The following NEB variants were observed in gnomAD, a reference collection of about 807,000 sequenced individuals.
The protein encoded by NEB is nemaline myopathy type 2.
In NEB, 512 loss-of-function variants were observed where a neutral mutation model predicts 952.2. The ratio of observed to expected loss-of-function variants is 0.54; its 90% CI spans 0.50 to 0.58. The LOEUF (loss-of-function observed/expected upper bound fraction) is 0.58. Ranked by LOEUF, NEB falls within the 20% of genes least tolerant of loss-of-function variation. The pLI is 0.00. For missense variants in NEB, 8,428 were observed against 9,231.1 expected (o/e 0.91, Z 3.56); for synonymous variants, 2,900 against 3,149.8 (o/e 0.92, Z 2.66).
intron 150 of NEB, 28 bp from the exon 151 acceptor site, chr2:151,525,301 A>C: frequency 6.7e-7 from 1 of 1,484,934 alleles, no homozygotes; most frequent in Non-Finnish European, 9.4e-7. Context: ...TACTTTTATG[A>C]GTAGAGGAAG....
At chr2:151,576,513 T>TATATAC (rs2096858655) in intron 105 of NEB, among the ~76,000 whole-genome samples, 159 bp from the exon 106 acceptor site, 1 of 32,086 alleles carries the variant, frequency 3.1e-5, no homozygotes, top group African/African-American at 1.6e-4. Flanking sequence ...TATATATATA[T>TATATAC]ATATTTTTTT....
At chr2:151,717,667 C>G in intron 9 of NEB, 147 bp from the exon 10 acceptor site, 1 of 648,564 alleles carries the variant, frequency 1.5e-6, no homozygotes, top group Non-Finnish European at 2.7e-6. Flanking sequence ...TTCTATTTTG[C>G]TGAATTTTCT....
rs771652505 is a variant in NEB at position 151,639,389 on chromosome 2, CA to C, written c.8890-6del. On this transcript the variant is annotated splice_region_variant and splice_polypyrimidine_tract_variant and intron_variant, in intron 62 of 181. Transcript: ENST00000397345. ...CCAGGCTTCTGTGTATAAACGCTAT[CA>C]AAAAAAATACACAAATTCATCAGGA... is the stretch of plus-strand genomic sequence containing the variant. 491 of 1,494,636 alleles carry C rather than the reference CA, an allele frequency of 3.3e-4. No individual in the cohort carries two copies. Among genetic ancestry groups the C allele is most frequent in the Admixed American group, 5.0e-4 (23 of 45,976 alleles). 92.6% of individuals were successfully genotyped at this position (1,494,636 alleles called of 1,614,324 possible). A position where few individuals can be genotyped will look rare whatever the true frequency, so the allele number is the denominator to read the frequency against.
rs56214532 is a variant in NEB, at chr2:151,706,245, C to T, written c.1152+636G>A. Among the ~76,000 whole-genome samples, 701 of 152,282 alleles carry T rather than the reference C, an allele frequency of 4.6e-3. 2 individuals are homozygous for T. Among genetic ancestry groups the T allele is most frequent in the Non-Finnish European group, 7.9e-3 (538 of 68,018 alleles). ...CAAGGGACAAAGAAAAGATAACTAA[C>T]CCACACAGACAGCTACATAAAATCC... On this transcript the variant is annotated intron_variant, in intron 13 of 181. Transcript: ENST00000397345.
intron 65 of NEB, among the ~76,000 whole-genome samples, chr2:151,632,003 G>A (rs1384380195): frequency 6.6e-6 from 1 of 152,126 alleles, no homozygotes; most frequent in East Asian, 1.9e-4. Flanking sequence ...TTCAACAGCT[G>A]TAACTCTGTC....
intron 181 of NEB, 100 bp from the exon 182 acceptor site, chr2:151,486,033 T>A: frequency 8.1e-7 from 1 of 1,234,174 alleles, no homozygotes; most frequent in Non-Finnish European, 1.1e-6. Flanking sequence ...TCCACAAACT[T>A]AAGTTGAACA....
chr2:151,721,029 G>A (rs769065717), intron 9 of NEB, among the ~76,000 whole-genome samples: 3 of 151,944 alleles, frequency 2.0e-5, no homozygotes, highest in African/African-American at 4.8e-5. Context: ...TACTCACCCA[G>A]ACCACCAGTC....
intron 176 of NEB, chr2:151,493,132 T>C (rs1036882870): frequency 2.0e-6 from 1 of 495,206 alleles, no homozygotes; most frequent in African/African-American, 2.0e-5. Flanking sequence ...AGTATGATGG[T>C]TTGGAATGTA....
intron 58 of NEB, 30 bp from the exon 59 acceptor site, chr2:151,642,899 T>G (rs368298310): frequency 1.3e-6 from 2 of 1,515,580 alleles, no homozygotes; most frequent in Admixed American, 1.9e-5. Flanking sequence ...ATGACTGGTA[T>G]AGGCCAGTAA....
At chr2:151,670,822 G>A (rs2099276849) in intron 38 of NEB, among the ~76,000 whole-genome samples, 1 of 152,166 alleles carries the variant, frequency 6.6e-6, no homozygotes, top group Non-Finnish European at 1.5e-5. Context: ...ATTTGGAATA[G>A]TCCCCCATTT....
chr2:151,631,356 G>A lies in NEB; in HGVS notation c.9415-10C>T. On this transcript the variant is annotated splice_polypyrimidine_tract_variant and intron_variant, in intron 65 of 181. Transcript: ENST00000397345. ...CTGACTTGTAAATATTCTGAGCAGA[G>A]GAAAAAAGTCAAAAACTCTTCATCA... 2 of 1,602,054 alleles carry A rather than the reference G, an allele frequency of 1.2e-6. No homozygotes were observed. The highest frequency in any genetic ancestry group is 2.2e-5 in the South Asian group (2 of 89,872).
chr2:151,640,302 G>C, intron 61 of NEB, 53 bp downstream of exon 61: 1 of 1,587,812 alleles, frequency 6.3e-7, no homozygotes, highest in Middle Eastern at 1.7e-4. Flanking sequence ...TTTCTCCAAG[G>C]GGTGTTAAAT....
At position 151,690,607 on chromosome 2, in the gene NEB, T is replaced by C. The variant is rs548410154; in HGVS notation, c.2310+120A>G. 1.4e-5 allele frequency: 11 copies of C among 783,522 alleles called. No homozygotes were observed. The South Asian group carries it at 1.7e-4, about 12-fold the overall frequency. 48.5% of individuals were successfully genotyped at this position (783,522 alleles called of 1,614,324 possible). A position where few individuals can be genotyped will look rare whatever the true frequency, so the allele number is the denominator to read the frequency against. ...CATTTGTGTTTTATTAAACAAATCT[T>C]GAAAAATAATAATATTGGGATGGTA... On this transcript the variant is annotated intron_variant, in intron 24 of 181. Transcript: ENST00000397345.
rs1252087959 is a variant in NEB at position 151,646,211 on chromosome 2, G to A, written c.7455C>T (p.Asp2485=). The change falls in exon 55 of 182, where the codon GAC becomes GAT. Residue 2485 remains aspartate (D), a synonymous_variant. Coordinates refer to ENST00000397345, the MANE Select transcript of NEB (RefSeq NM_001164508.2). ...RSDRLYREAW[D]KDKTQIHIMP... is the part of the protein sequence containing the mutation. ...TGATGTGGATCTGAGTCTTGTCTTT[G>A]TCCCAAGCTTCTCTATAAAGTCTCT... The A allele has an allele frequency of 8.8e-6, 14 of 1,599,504 alleles. No homozygotes were observed. The highest frequency in any genetic ancestry group is 1.2e-5 in the Non-Finnish European group (14 of 1,172,224).
At position 151,631,481 on chromosome 2, in the gene NEB, A is replaced by G. The variant is rs78775134; in HGVS notation, c.9415-135T>C. ...ACAAGCGCGTTGTATAAGGCAAACT[A>G]AAAGAATTATGCTCAAAAATGACCC... On this transcript the variant is annotated intron_variant, in intron 65 of 181. Coordinates refer to ENST00000397345, the MANE Select transcript of NEB (RefSeq NM_001164508.2). The G allele has an allele frequency of 1.6e-3, 1,471 of 945,592 alleles. 13 individuals carry two copies. In the African/African-American group the frequency reaches 0.021, roughly 14 times the overall value. 58.6% of individuals were successfully genotyped at this position (945,592 alleles called of 1,614,324 possible). A position where few individuals can be genotyped will look rare whatever the true frequency, so the allele number is the denominator to read the frequency against.
intron 71 of NEB, among the ~76,000 whole-genome samples, chr2:151,621,526 C>T (rs2098416060): frequency 6.6e-6 from 1 of 152,178 alleles, no homozygotes; most frequent in South Asian, 2.1e-4. Context: ...ATTATTTCAT[C>T]AACTGCTGCA....
chr2:151,723,837 G>A lies in NEB; in HGVS notation c.613-351C>T, dbSNP rs141933669. 5.7e-4 allele frequency among the ~76,000 whole-genome samples: 83 copies of A among 146,896 alleles called. 1 individual carries two copies. The East Asian group carries it at 0.016, about 29-fold the overall frequency. On this transcript the variant is annotated intron_variant, in intron 8 of 181. Transcript: ENST00000397345. The stretch of plus-strand genomic sequence containing the variant: ...AGTGCTAACACAATGTAAGGAGCCA[G>A]GAAGCACTTCACATAGTTCAGGGCA...
chr2:151,539,760 C>T (rs1327881802), intron 138 of NEB, among the ~76,000 whole-genome samples: 1 of 152,218 alleles, frequency 6.6e-6, no homozygotes, highest in African/African-American at 2.4e-5. Context: ...AAATGAACAT[C>T]TGTCCCCCCT....
At chr2:151,658,507 C>G (rs1262055965) in intron 47 of NEB, among the ~76,000 whole-genome samples, 1 of 151,750 alleles carries the variant, frequency 6.6e-6, no homozygotes, top group Admixed American at 6.6e-5. Context: ...AAAAAAAGGT[C>G]AGCTATTCCA....
Sources: gnomAD v4.1 joint callset for allele counts (sites outside exome capture counted in the v4.1 genomes callset) on GRCh38, gnomAD v4.1.1 for gene constraint, MANE v1.5 for transcripts, NCBI Gene and HGNC (gene_info 2026-07-23, HGNC 2026-07-21) for gene names.